Variants in SGK1 observed in about 807,000 individuals in gnomAD.
SGK1 encodes the protein serine/threonine-protein kinase Sgk1.
A neutral mutation model predicts 64.2 loss-of-function variants in SGK1; 26 were observed. That is an observed-to-expected ratio of 0.40 (90% CI 0.30 to 0.56). The LOEUF is 0.56. Ranked by LOEUF, SGK1 falls within the 20% of genes least tolerant of loss-of-function variation. The pLI, the probability that SGK1 is intolerant of heterozygous loss-of-function variation, is 0.38. For synonymous variants in SGK1, 265 were observed against 239.7 expected (o/e 1.11, Z -0.98); for missense variants, 519 against 645.6 (o/e 0.80, Z 2.12).
intron 2 of SGK1, among the ~76,000 whole-genome samples, chr6:134,210,183 T>C (rs1195892741): frequency 6.6e-6 from 1 of 152,126 alleles, no homozygotes; most frequent in Non-Finnish European, 1.5e-5. Context: ...GATAAATTGA[T>C]AAAGAAATGT....
chr6:134,230,982 C>T (rs1776269369), intron 2 of SGK1, among the ~76,000 whole-genome samples: 1 of 152,066 alleles, frequency 6.6e-6, no homozygotes, highest in Non-Finnish European at 1.5e-5. Context: ...CCACTGCACT[C>T]CAGCCTGGGG....
At chr6:134,255,523 G>A (rs757844676) in intron 2 of SGK1, among the ~76,000 whole-genome samples, 3 of 151,690 alleles carry the variant, frequency 2.0e-5, no homozygotes, top group Non-Finnish European at 4.4e-5. Flanking sequence ...CTCTAGCCTG[G>A]GTGACAGAGT....
chr6:134,312,150 G>A (rs907353604), intron 1 of SGK1, among the ~76,000 whole-genome samples: 1 of 152,142 alleles, frequency 6.6e-6, no homozygotes, highest in Non-Finnish European at 1.5e-5. Flanking sequence ...CTCTTCCTAG[G>A]TCTACGATTT....
At chr6:134,179,635 A>G (rs1019163887) in intron 3 of SGK1, among the ~76,000 whole-genome samples, 5 of 151,986 alleles carry the variant, frequency 3.3e-5, no homozygotes, top group Non-Finnish European at 1.5e-5. Context: ...ATTACCTTCC[A>G]TATTCATAAT....
At chr6:134,214,888 T>G (rs1438473328) in intron 2 of SGK1, 1 of 307,108 alleles carries the variant, frequency 3.3e-6, no homozygotes, top group East Asian at 8.0e-5. Flanking sequence ...AGAAAGAGAT[T>G]TTTCTTGTCT....
intron 2 of SGK1, among the ~76,000 whole-genome samples, chr6:134,257,827 A>G (rs973994819): frequency 8.5e-5 from 13 of 152,220 alleles, no homozygotes; most frequent in Admixed American, 4.6e-4. Flanking sequence ...ACTAACTACT[A>G]CAAAACTACT....
At chr6:134,198,910 A>T (rs1424420036) in intron 3 of SGK1, among the ~76,000 whole-genome samples, 4 of 151,872 alleles carry the variant, frequency 2.6e-5, no homozygotes, top group Non-Finnish European at 5.9e-5. Flanking sequence ...TTTGAAGACA[A>T]GGTGTCGCTC....
intron 1 of SGK1, among the ~76,000 whole-genome samples, chr6:134,316,950 C>T (rs1272787305): frequency 6.6e-6 from 1 of 151,974 alleles, no homozygotes; most frequent in African/African-American, 2.4e-5. Context: ...CTGCTTCTGA[C>T]GAACGAAGAT....
chr6:134,235,072 T>C (rs1222949470), intron 2 of SGK1, among the ~76,000 whole-genome samples: 1 of 152,214 alleles, frequency 6.6e-6, no homozygotes, highest in Non-Finnish European at 1.5e-5. Context: ...GAGAGCTTTA[T>C]ATACAGACAG....
At chr6:134,283,083 A>C (rs955553903) in intron 1 of SGK1, 2 of 152,150 alleles carry the variant, frequency 1.3e-5, no homozygotes, top group Admixed American at 6.5e-5. Context: ...TGTTTAAAGA[A>C]GGCAGCTGAG....
intron 3 of SGK1, among the ~76,000 whole-genome samples, chr6:134,188,524 T>G (rs1290906146): frequency 1.3e-5 from 2 of 152,184 alleles, no homozygotes; most frequent in Admixed American, 6.5e-5. Flanking sequence ...ATTTTATATA[T>G]AGAGATATAT....
chr6:134,226,822 A>C (rs1776189460), intron 2 of SGK1, among the ~76,000 whole-genome samples: 1 of 152,128 alleles, frequency 6.6e-6, no homozygotes, highest in Admixed American at 6.5e-5. Context: ...AGTAGCTGGG[A>C]CTGCAGGCTC....
chr6:134,191,779 C>T (rs1775514624), intron 3 of SGK1, among the ~76,000 whole-genome samples: 1 of 150,698 alleles, frequency 6.6e-6, no homozygotes, highest in Non-Finnish European at 1.5e-5. Context: ...ATGGATTCTC[C>T]TGCCTCAGCC....
At chr6:134,229,465 AT>A (rs1776243153) in intron 2 of SGK1, among the ~76,000 whole-genome samples, 1 of 152,248 alleles carries the variant, frequency 6.6e-6, no homozygotes, top group Non-Finnish European at 1.5e-5. Context: ...CATTTACTCC[AT>A]AACCACACAA....
Position 134,220,510 on chromosome 6 carries a change from T to G in SGK1, c.286-13079A>C, listed in dbSNP as rs1295354197. On this transcript the variant is annotated intron_variant, in intron 2 of 13. Transcript: ENST00000367858. ...GCAGTTTAGAGCATGAGCTCTGGTG[T>G]CAGACAGACCTAGAGAAAATTTAAG... Among the ~76,000 whole-genome samples, 3 of 152,304 alleles carry G rather than the reference T, an allele frequency of 2.0e-5. No individual in the cohort carries two copies. The East Asian group carries it at 5.8e-4, about 29-fold the overall frequency.
At chr6:134,204,562 T>C (rs1395774333) in intron 3 of SGK1, among the ~76,000 whole-genome samples, 1 of 151,610 alleles carries the variant, frequency 6.6e-6, no homozygotes, top group Non-Finnish European at 1.5e-5. Flanking sequence ...AACTTTTTTT[T>C]TTTTTTTTGA....
intron 2 of SGK1, among the ~76,000 whole-genome samples, chr6:134,221,970 C>T (rs1185804109): frequency 1.3e-5 from 2 of 152,084 alleles, no homozygotes; most frequent in Admixed American, 6.6e-5. Context: ...AATAAATCTT[C>T]GTTACTTATC....
intron 2 of SGK1, among the ~76,000 whole-genome samples, chr6:134,219,677 T>C (rs1252965392): frequency 2.2e-5 from 3 of 135,688 alleles, no homozygotes; most frequent in Non-Finnish European, 4.8e-5. Flanking sequence ...GGAGAATCGC[T>C]TGAATGAGGG....
chr6:134,256,041 G>T (rs1165262319), intron 2 of SGK1, among the ~76,000 whole-genome samples: 2 of 146,738 alleles, frequency 1.4e-5, no homozygotes, highest in Middle Eastern at 3.3e-3. Flanking sequence ...TATCTTCTTG[G>T]TAGATATTTT....
Sources: gnomAD v4.1 joint callset for allele counts (sites outside exome capture counted in the v4.1 genomes callset) on GRCh38, gnomAD v4.1.1 for gene constraint, MANE v1.5 for transcripts, NCBI Gene and HGNC (gene_info 2026-07-23, HGNC 2026-07-21) for gene names.